CNTN5: variants seen among roughly 807,000 people sequenced by gnomAD.
CNTN5 encodes contactin-5.
A neutral mutation model predicts 129.1 loss-of-function variants in CNTN5; 77 were observed. The ratio of observed to expected loss-of-function variants is 0.60; its 90% confidence interval spans 0.50 to 0.72. CNTN5 has a LOEUF of 0.72. CNTN5 is among the 30% of genes least tolerant of loss of function. The pLI, the probability that CNTN5 is intolerant of heterozygous loss-of-function variation, is 0.00. For synonymous variants in CNTN5, 509 were observed against 465.6 expected (o/e 1.09, Z -1.20); for missense variants, 1,478 against 1,328.8 (o/e 1.11, Z -1.75).
intron 1 of CNTN5, among the ~76,000 whole-genome samples, chr11:99,251,674 T>G (rs76992179): frequency 0.017 from 2,613 of 152,096 alleles, 89 homozygotes; most frequent in African/African-American, 0.06. Context: ...AATCAATGCC[T>G]TCTTTATTTT....
intron 3 of CNTN5, among the ~76,000 whole-genome samples, chr11:99,586,463 T>C (rs1162889803): frequency 6.6e-6 from 1 of 152,210 alleles, no homozygotes; most frequent in Non-Finnish European, 1.5e-5. Context: ...AAATCTGTTT[T>C]AACCATGGTA....
chr11:99,435,215 G>A (rs1334106454), intron 2 of CNTN5, among the ~76,000 whole-genome samples: 2 of 152,022 alleles, frequency 1.3e-5, no homozygotes, highest in African/African-American at 4.8e-5. Context: ...CTGTCAAATT[G>A]TCATCTTTTT....
intron 3 of CNTN5, among the ~76,000 whole-genome samples, chr11:99,775,226 C>A (rs943460668): frequency 1.3e-5 from 2 of 152,010 alleles, no homozygotes; most frequent in African/African-American, 4.8e-5. Context: ...TTTCCCATTT[C>A]CAATGACATT....
At chr11:100,041,542 G>T (rs1942380865) in intron 9 of CNTN5, among the ~76,000 whole-genome samples, 1 of 152,178 alleles carries the variant, frequency 6.6e-6, no homozygotes, top group African/African-American at 2.4e-5. Context: ...GCTTTGGCAT[G>T]TGATTCTCCT....
chr11:99,051,162 A>G (rs929530761), intron 1 of CNTN5, among the ~76,000 whole-genome samples: 7 of 151,910 alleles, frequency 4.6e-5, no homozygotes, highest in Non-Finnish European at 2.9e-5. Context: ...AAGCTGTTTC[A>G]GGAGATGTGT....
At chr11:100,261,460 G>A (rs942551044) in intron 17 of CNTN5, among the ~76,000 whole-genome samples, 16 of 151,886 alleles carry the variant, frequency 1.1e-4, no homozygotes, top group Non-Finnish European at 2.1e-4. Context: ...TAAATTTCAT[G>A]TGGAACCAAA....
intron 3 of CNTN5, among the ~76,000 whole-genome samples, chr11:99,581,265 T>A (rs1243545231): frequency 7.6e-6 from 1 of 132,192 alleles, no homozygotes. Flanking sequence ...TGTGGTCAAT[T>A]TTGGAGTAGG....
At chr11:100,018,282 C>A (rs1422161120) in intron 9 of CNTN5, among the ~76,000 whole-genome samples, 1 of 151,892 alleles carries the variant, frequency 6.6e-6, no homozygotes, top group Non-Finnish European at 1.5e-5. Context: ...AACATTTCTA[C>A]ATGTACACTT....
chr11:99,705,749 CA>C (rs1249794884), intron 3 of CNTN5, among the ~76,000 whole-genome samples: 3 of 151,358 alleles, frequency 2.0e-5, no homozygotes, highest in African/African-American at 7.3e-5. Flanking sequence ...GAAAGAGGAG[CA>C]GGGGCGATGG....
intron 2 of CNTN5, among the ~76,000 whole-genome samples, chr11:99,434,965 TTTG>T (rs1943544158): frequency 6.6e-6 from 1 of 152,276 alleles, no homozygotes; most frequent in African/African-American, 2.4e-5. Flanking sequence ...AGGATCAAAT[TTTG>T]TTAATATATT....
intron 8 of CNTN5, among the ~76,000 whole-genome samples, chr11:99,981,076 G>GAATATATATATATATATATATA (rs1385717951): frequency 4.9e-4 from 6 of 12,300 alleles, no homozygotes; most frequent in Non-Finnish European, 8.4e-4. Flanking sequence ...AGAGCCAATA[G>GAATATATATATATATATATATA]GATATATATA....
chr11:99,188,796 G>A (rs1858482747), intron 1 of CNTN5, among the ~76,000 whole-genome samples: 1 of 151,434 alleles, frequency 6.6e-6, no homozygotes, highest in Non-Finnish European at 1.5e-5. Context: ...ATACATTGTG[G>A]TATGTCTTAA....
intron 3 of CNTN5, among the ~76,000 whole-genome samples, chr11:99,669,360 A>C (rs192631345): frequency 6.6e-6 from 1 of 152,254 alleles, no homozygotes; most frequent in Admixed American, 6.5e-5. Flanking sequence ...AACTTCGAGT[A>C]ACCTGGCTAT....
chr11:99,109,034 C>T (rs894988630), intron 1 of CNTN5, among the ~76,000 whole-genome samples: 1 of 151,224 alleles, frequency 6.6e-6, no homozygotes, highest in Non-Finnish European at 1.5e-5. Flanking sequence ...AGTATATGTA[C>T]ATATGTATAT....
At chr11:99,201,021 CCTTT>C (rs1244987451) in intron 1 of CNTN5, among the ~76,000 whole-genome samples, 2 of 95,992 alleles carry the variant, frequency 2.1e-5, no homozygotes, top group Non-Finnish European at 4.4e-5. Context: ...TTCCTTCCTT[CCTTT>C]TTTTTTTTTT....
At chr11:99,793,961 A>T (rs1248345518) in intron 3 of CNTN5, among the ~76,000 whole-genome samples, 1 of 152,126 alleles carries the variant, frequency 6.6e-6, no homozygotes, top group East Asian at 1.9e-4. Flanking sequence ...CAGCTCCTGA[A>T]TATCTTTGTT....
At chr11:99,207,427 A>G (rs961794962) in intron 1 of CNTN5, among the ~76,000 whole-genome samples, 5 of 152,196 alleles carry the variant, frequency 3.3e-5, no homozygotes, top group African/African-American at 2.4e-5. Flanking sequence ...TCCAAGAGCT[A>G]TGATTTTCCC....
At chr11:99,559,827 T>C (rs1215548710) in intron 3 of CNTN5, among the ~76,000 whole-genome samples, 1 of 152,176 alleles carries the variant, frequency 6.6e-6, no homozygotes, top group Non-Finnish European at 1.5e-5. Flanking sequence ...GTGATTAAAC[T>C]ATGGAATTCT....
At chr11:100,198,577 T>A (rs978851207) in intron 15 of CNTN5, among the ~76,000 whole-genome samples, 3 of 151,932 alleles carry the variant, frequency 2.0e-5, no homozygotes, top group African/African-American at 7.2e-5. Flanking sequence ...AAGATATTGT[T>A]ATCTTAGGGT....
Sources: allele counts gnomAD v4.1 joint callset (sites outside exome capture counted in the v4.1 genomes callset), GRCh38; gene constraint gnomAD v4.1.1; transcripts MANE v1.5; gene names NCBI Gene and HGNC (gene_info 2026-07-23, HGNC 2026-07-21).